Variants in ZZEF1 observed in about 807,000 individuals in gnomAD.
The protein encoded by ZZEF1 is zinc finger ZZ-type and EF-hand domain-containing protein 1.
In ZZEF1, 157 loss-of-function variants were observed where a neutral mutation model predicts 342.8. The observed-to-expected ratio is 0.46, with a 90% CI of 0.40 to 0.52. ZZEF1 has a LOEUF of 0.52. Ranked by LOEUF, ZZEF1 falls within the 20% of genes least tolerant of loss-of-function variation. ZZEF1 has a pLI of 0.00. For missense variants in ZZEF1, 3,480 were observed against 3,725.6 expected (o/e 0.93, Z 1.72); for synonymous variants, 1,505 against 1,429.1 (o/e 1.05, Z -1.20).
chr17:4,046,472 A>G (rs189236379), intron 37 of ZZEF1, among the ~76,000 whole-genome samples: 3 of 152,038 alleles, frequency 2.0e-5, no homozygotes, highest in Admixed American at 2.0e-4. Flanking sequence ...GTTGACTTTC[A>G]CTCTTTGGGG....
intron 11 of ZZEF1, among the ~76,000 whole-genome samples, chr17:4,094,784 T>C (rs1467112498): frequency 6.6e-6 from 1 of 152,168 alleles, no homozygotes; most frequent in Non-Finnish European, 1.5e-5. Context: ...TCCCTCCTAG[T>C]GGTCTCTTGG....
intron 1 of ZZEF1, among the ~76,000 whole-genome samples, chr17:4,125,759 CTG>C (rs779354325): frequency 6.6e-6 from 1 of 152,120 alleles, no homozygotes; most frequent in East Asian, 1.9e-4. Flanking sequence ...AGACTAGAAA[CTG>C]TGCCCTGTTG....
At chr17:4,127,351 A>G (rs1397017507) in intron 1 of ZZEF1, among the ~76,000 whole-genome samples, 1 of 152,216 alleles carries the variant, frequency 6.6e-6, no homozygotes, top group African/African-American at 2.4e-5. Context: ...TTTGAGGAGA[A>G]AAGGGCGACA....
chr17:4,038,812 C>CAAAT, intron 39 of ZZEF1, among the ~76,000 whole-genome samples: 1 of 96,630 alleles, frequency 1.0e-5, no homozygotes, highest in African/African-American at 8.0e-5. Flanking sequence ...TCTCAAAAAA[C>CAAAT]AAACAAACAA....
chr17:4,116,524 G>A (rs1008195766), intron 3 of ZZEF1, among the ~76,000 whole-genome samples: 6 of 152,166 alleles, frequency 3.9e-5, no homozygotes, highest in African/African-American at 1.2e-4. Context: ...ATCTCCAAGT[G>A]AGTCTGTGGT....
At chr17:4,112,096 T>A (rs2058320727) in intron 5 of ZZEF1, among the ~76,000 whole-genome samples, 18 of 86,984 alleles carry the variant, frequency 2.1e-4, no homozygotes, top group Non-Finnish European at 3.4e-4. Context: ...ATATATATGT[T>A]TTGTTTTGTT....
Position 4,019,703 on chromosome 17 carries a change from T to C in ZZEF1, c.7471A>G (p.Lys2491Glu), listed in dbSNP as rs759439279. ...ACCTCCAGGAAGAAATAATCGGTCT[T>C]TTTCATCTGCAGTTCGTATATGGCC... ...LRAIYELQMK[K>E]TDYFFLEVQK... is the part of the protein sequence containing the mutation. Residue 2491 changes from lysine to glutamate, a missense_variant, in exon 46 of 55, where the codon AAG becomes GAG. By Grantham distance (56) the Lys-to-Glu change is moderately conservative. Transcript: ENST00000381638. 1.9e-6 allele frequency: 3 copies of C among 1,613,086 alleles called. No individual in the cohort carries two copies. The highest frequency in any genetic ancestry group is 1.7e-6 in the Non-Finnish European group (2 of 1,179,760).
intron 28 of ZZEF1, 47 bp from the exon 29 acceptor site, chr17:4,064,876 T>C: frequency 7.3e-7 from 1 of 1,378,328 alleles, no homozygotes; most frequent in South Asian, 1.4e-5. Flanking sequence ...AAGTTAAAAT[T>C]ATGGGGGAGG....
At chr17:4,100,180 A>C (rs991077402) in intron 9 of ZZEF1, among the ~76,000 whole-genome samples, 8 of 152,192 alleles carry the variant, frequency 5.3e-5, no homozygotes, top group Non-Finnish European at 1.0e-4. Context: ...TACTCCGATA[A>C]GGGGAAGAAA....
intron 49 of ZZEF1, among the ~76,000 whole-genome samples, chr17:4,015,942 G>A (rs1392826007): frequency 6.6e-6 from 1 of 152,196 alleles, no homozygotes; most frequent in Non-Finnish European, 1.5e-5. Flanking sequence ...ATCCACGGTG[G>A]GGGCAGGTCA....
intron 26 of ZZEF1, among the ~76,000 whole-genome samples, chr17:4,068,094 A>C (rs1212882336): frequency 6.6e-6 from 1 of 152,204 alleles, no homozygotes; most frequent in Non-Finnish European, 1.5e-5. Flanking sequence ...CAAACAAAAA[A>C]ATAAAATGTG....
In ZZEF1 at chr17:4,059,177, T is replaced by C; in HGVS notation, c.4997A>G (p.Asn1666Ser). 1.3e-6 allele frequency: 2 copies of C among 1,587,544 alleles called. No individual in the cohort carries two copies. Among genetic ancestry groups the C allele is most frequent in the Non-Finnish European group, 1.7e-6 (2 of 1,174,304 alleles). Reference protein sequence around the residue: ...VKAVKGFSSLNDRSLLPALSC... With the variant: ...VKAVKGFSSLSDRSLLPALSC... ...TGATAAAGTTATCCAGTACCTGTCA[T>C]TTAGGCTACTAAATCCTTTAACTGC... Residue 1666 changes from asparagine (N) to serine (S), a missense_variant, in exon 31 of 55, where the codon AAT (asparagine) becomes AGT (serine). By Grantham distance (46) the Asn-to-Ser change is conservative. This residue lies in a region of ZZEF1 where 1,528 missense variants were observed against 1,624.1 expected (regional missense o/e 0.94). Transcript: ENST00000381638.
chr17:4,097,502 G>A (rs1030546758), intron 9 of ZZEF1, among the ~76,000 whole-genome samples: 10 of 123,890 alleles, frequency 8.1e-5, no homozygotes, highest in African/African-American at 1.3e-4. Flanking sequence ...AAAAAAAAAA[G>A]AATCACTGGG....
intron 6 of ZZEF1, among the ~76,000 whole-genome samples, chr17:4,106,263 C>T (rs1434626331): frequency 6.6e-6 from 1 of 151,940 alleles, no homozygotes; most frequent in African/African-American, 2.4e-5. Flanking sequence ...TCCCTTTTTG[C>T]CCAGGAGTCA....
At position 4,076,756 on chromosome 17, in the gene ZZEF1, T is replaced by C. The variant is rs1163595265; in HGVS notation, c.3115A>G (p.Ile1039Val). The C allele has an allele frequency of 9.3e-6, 15 of 1,606,660 alleles. No individual in the cohort carries two copies. The highest frequency in any genetic ancestry group is 1.3e-5 in the Non-Finnish European group (15 of 1,176,114). The change falls in exon 21 of 55, where the codon ATC becomes GTC. Residue 1039 changes from isoleucine (I) to valine (V), a missense_variant. Coordinates refer to ENST00000381638, the MANE Select transcript of ZZEF1 (RefSeq NM_015113.4). ...AAAGTGCAGAAGTCCAGCAGGAAGATAACCTAATGGAAGATGGATGAAGCA... is the reference window on the plus strand; with the variant it reads ...AAAGTGCAGAAGTCCAGCAGGAAGACAACCTAATGGAAGATGGATGAAGCA... ...VFSMAARQLV[I>V]FLLDFCTLDI... is the part of the protein sequence containing the mutation.
chr17:4,024,740 G>A (rs1456716725), intron 43 of ZZEF1, among the ~76,000 whole-genome samples, 179 bp downstream of exon 43: 2 of 152,210 alleles, frequency 1.3e-5, no homozygotes, highest in East Asian at 3.8e-4. Flanking sequence ...GAAGCCATCA[G>A]GAAAATTGTA....
At chr17:4,140,249 C>T (rs2058821020) in intron 1 of ZZEF1, among the ~76,000 whole-genome samples, 1 of 152,132 alleles carries the variant, frequency 6.6e-6, no homozygotes, top group Admixed American at 6.5e-5. Flanking sequence ...CCTAATACAC[C>T]ACACCAGACT....
chr17:4,086,985 A>G (rs992979862), intron 14 of ZZEF1, among the ~76,000 whole-genome samples: 1 of 152,102 alleles, frequency 6.6e-6, no homozygotes, highest in African/African-American at 2.4e-5. Flanking sequence ...AGGTTCAAGC[A>G]ATTCTTCCGC....
rs771411398 is a variant in ZZEF1 at position 4,049,735 on chromosome 17, C to T, written c.5988G>A (p.Gln1996=). 1 of 1,613,986 alleles carries T rather than the reference C, an allele frequency of 6.2e-7. No individual in the cohort carries two copies. The highest frequency in any genetic ancestry group is 8.5e-7 in the Non-Finnish European group (1 of 1,180,028). Residue 1996 remains glutamine (Q), a synonymous_variant, in exon 37 of 55, where the codon CAG becomes CAA. Coordinates refer to ENST00000381638, the MANE Select transcript of ZZEF1 (RefSeq NM_015113.4). ...SEEQLEKKAV[Q]GAELSEAGNG... ...TGCCTGCTTCTGACAGCTCAGCACC[C>T]TGGACAGCTTTCTTCTCTAGCTGCT...
Sources: gnomAD v4.1 joint callset for allele counts (sites outside exome capture counted in the v4.1 genomes callset) on GRCh38, gnomAD v4.1.1 for gene constraint, gnomAD v4.1.1 regional missense constraint, MANE v1.5 for transcripts, NCBI Gene and HGNC (gene_info 2026-07-23, HGNC 2026-07-21) for gene names.